Variants in GNG7 observed in about 807,000 individuals in gnomAD.
GNG7 encodes the protein G protein subunit gamma 7.
Under a neutral mutation model 4.0 loss-of-function variants are expected in GNG7, and 1 was observed. That is an observed-to-expected ratio of 0.25 (90% CI 0.09 to 1.18). The LOEUF (loss-of-function observed/expected upper bound fraction) is 1.18. Ranked by LOEUF, GNG7 falls within the 50% of genes most tolerant of loss-of-function variation. The pLI, the probability that GNG7 is intolerant of heterozygous loss-of-function variation, is 0.50. For synonymous variants in GNG7, 34 were observed against 36.9 expected, an observed-to-expected ratio of 0.92 and a Z score of 0.29; for missense variants, 86 against 91.9, an observed-to-expected ratio of 0.94 and a Z score of 0.26.
intron 2 of GNG7, among the ~76,000 whole-genome samples, chr19:2,577,063 T>C (rs1430537308): frequency 6.6e-6 from 1 of 152,226 alleles, no homozygotes; most frequent in Non-Finnish European, 1.5e-5. Context: ...GTCTTTGTAT[T>C]CCTGTTGGCA....
In GNG7 at chr19:2,633,491, A is replaced by ACGCGCG. The variant is rs1156911406; in HGVS notation, c.-78+12732_-78+12733insCGCGCG. 1.6e-4 allele frequency among the ~76,000 whole-genome samples: 13 copies of ACGCGCG among 82,864 alleles called. No individual in the cohort carries two copies. Among genetic ancestry groups the ACGCGCG allele is most frequent in the African/African-American group, 9.4e-4 (13 of 13,870 alleles). 54.4% of individuals were successfully genotyped at this position (82,864 alleles called of 152,430 possible). On this transcript the variant is annotated intron_variant, in intron 2 of 4. Coordinates refer to ENST00000382159, the MANE Select transcript of GNG7 (RefSeq NM_052847.3). This position sits in a 1 kb window ranked among gnomAD's most constrained non-coding sequence, Gnocchi z 5.9. The stretch of plus-strand genomic sequence containing the variant: ...AACAGGCGCGCGCGCGCGCGCGCAC[A>ACGCGCG]CACACACACACACACACACACACAC...
intron 1 of GNG7, among the ~76,000 whole-genome samples, chr19:2,664,179 C>A (rs965346740): frequency 6.6e-6 from 1 of 152,186 alleles, no homozygotes; most frequent in Non-Finnish European, 1.5e-5. Flanking sequence ...TCCCTTCCCA[C>A]GCTGACATTC....
chr19:2,557,019 ACACACG>A lies in GNG7; in HGVS notation c.-77-1837_-77-1832del, dbSNP rs1418524860. On this transcript the variant is annotated intron_variant, in intron 2 of 4. Coordinates refer to ENST00000382159, the MANE Select transcript of GNG7 (RefSeq NM_052847.3). The surrounding 1 kb of genome is among the most constrained non-coding windows in gnomAD (Gnocchi z 5.1). ...TGCCTCCCCTCCCACCTCTACACAC[ACACACG>A]CACACACAGACACACGCACACTCAC... 3.0e-5 allele frequency among the ~76,000 whole-genome samples: 3 copies of A among 101,222 alleles called. No homozygotes were observed. Among genetic ancestry groups the A allele is most frequent in the South Asian group, 6.7e-4 (2 of 3,004 alleles). The allele number at this position is 101,222 out of a possible 152,430, so 66.4% of individuals were successfully genotyped here. A position where few individuals can be genotyped will look rare whatever the true frequency, so the allele number is the denominator to read the frequency against.
chr19:2,676,885 G>T (rs1983608335), intron 1 of GNG7, among the ~76,000 whole-genome samples: 1 of 152,080 alleles, frequency 6.6e-6, no homozygotes, highest in African/African-American at 2.4e-5. Context: ...AGCTTCTGGG[G>T]TTGCCAGGAA....
intron 1 of GNG7, among the ~76,000 whole-genome samples, chr19:2,690,633 G>GC (rs199923632): frequency 0.012 from 1,846 of 151,260 alleles, 35 homozygotes; most frequent in African/African-American, 0.043. Context: ...TTGCTCTGTC[G>GC]CCCAGGCTGG....
At chr19:2,673,415 G>A (rs771489582) in intron 1 of GNG7, among the ~76,000 whole-genome samples, 19 of 151,752 alleles carry the variant, frequency 1.3e-4, no homozygotes, top group Non-Finnish European at 2.2e-4. Flanking sequence ...AATAAAGACC[G>A]GGCGCCGTGG....
intron 3 of GNG7, among the ~76,000 whole-genome samples, chr19:2,550,731 T>C (rs1228883196): frequency 3.9e-5 from 6 of 152,178 alleles, no homozygotes; most frequent in Non-Finnish European, 8.8e-5. Flanking sequence ...GCCACATCTT[T>C]TGGTTGCCGA....
At chr19:2,602,715 C>T (rs1981238733) in intron 2 of GNG7, among the ~76,000 whole-genome samples, 1 of 152,194 alleles carries the variant, frequency 6.6e-6, no homozygotes, top group Non-Finnish European at 1.5e-5. Flanking sequence ...AAACGGAAGC[C>T]AATCTCGGGC....
chr19:2,656,704 C>T (rs1982984180), intron 1 of GNG7, among the ~76,000 whole-genome samples: 1 of 152,190 alleles, frequency 6.6e-6, no homozygotes, highest in South Asian at 2.1e-4. Context: ...TATTGGCACA[C>T]AGCCGTGCGT....
intron 1 of GNG7, among the ~76,000 whole-genome samples, chr19:2,660,508 C>G: frequency 6.6e-6 from 1 of 152,254 alleles, no homozygotes; most frequent in East Asian, 1.9e-4. Flanking sequence ...TGGTGGCTCA[C>G]GCCTGTGATC....
chr19:2,650,370 G>T (rs532357237), intron 1 of GNG7, among the ~76,000 whole-genome samples: 1 of 151,910 alleles, frequency 6.6e-6, no homozygotes, highest in African/African-American at 2.4e-5. Context: ...TGTATTTTTA[G>T]TAGAGACGGG....
intron 3 of GNG7, among the ~76,000 whole-genome samples, chr19:2,543,824 GC>G (rs971066431): frequency 2.0e-5 from 3 of 152,120 alleles, no homozygotes; most frequent in Admixed American, 1.3e-4. Flanking sequence ...GGGTGAGTCA[GC>G]CCCGGGGGAA....
rs191044320 is a variant in GNG7, at chr19:2,682,055, G to A, written c.-135+20591C>T. Among the ~76,000 whole-genome samples, 282 of 152,126 alleles carry A rather than the reference G, an allele frequency of 1.9e-3. 2 individuals carry two copies. The highest frequency in any genetic ancestry group is 3.1e-3 in the Non-Finnish European group (212 of 68,002). On this transcript the variant is annotated intron_variant, in intron 1 of 4. Transcript: ENST00000382159. ...CTCCCAAGTAGCTGGGATTACAGGC[G>A]CGCGCCACCACGCCCGGCTAATTTT... is the stretch of plus-strand genomic sequence containing the variant.
chr19:2,562,271 CTTTTCTTTCT>C (rs149238235), intron 2 of GNG7, among the ~76,000 whole-genome samples: 41,510 of 149,838 alleles, frequency 0.28, 6,624 homozygotes, highest in Non-Finnish European at 0.37. Context: ...GTTCCTTTTT[CTTTTCTTTCT>C]TTTTCTTTCT....
rs1972669486 is a variant in GNG7 at position 2,512,440 on chromosome 19, C to G, written c.*2582G>C. Reference sequence around the variant, plus strand: ...CTGGCAATGGCCACCTCCCTGGGGTCCGGGAGATGGTGGGGTCTGGACAGC... The same window carrying G: ...CTGGCAATGGCCACCTCCCTGGGGTGCGGGAGATGGTGGGGTCTGGACAGC... On this transcript the variant is annotated 3_prime_UTR_variant, in exon 5 of 5. Transcript: ENST00000382159. The surrounding 1 kb of genome is among the most constrained non-coding windows in gnomAD (Gnocchi z 4.7). The G allele has an allele frequency of 8.9e-6, 8 of 896,620 alleles. No individual in the cohort carries two copies. Among genetic ancestry groups the G allele is most frequent in the Non-Finnish European group, 1.1e-5 (8 of 749,012 alleles). The allele number at this position is 896,620 out of a possible 1,614,324, so 55.5% of individuals were successfully genotyped here. A position where few individuals can be genotyped will look rare whatever the true frequency, so the allele number is the denominator to read the frequency against.
chr19:2,577,776 A>G lies in GNG7; in HGVS notation c.-77-22588T>C, dbSNP rs1048944430. On this transcript the variant is annotated intron_variant, in intron 2 of 4. Coordinates refer to ENST00000382159, the MANE Select transcript of GNG7 (RefSeq NM_052847.3). ...GCATGTAAGCATTTGCTACATATTT[A>G]TATTGAGAAATAAATCTAAAAAGAA... Among the ~76,000 whole-genome samples, 35 of 151,544 alleles carry G rather than the reference A, an allele frequency of 2.3e-4. 1 individual carries two copies. The highest frequency in any genetic ancestry group is 4.4e-4 in the Non-Finnish European group (30 of 67,938).
chr19:2,584,530 A>G (rs62123674), intron 2 of GNG7, among the ~76,000 whole-genome samples: 54,518 of 148,288 alleles, frequency 0.37, 11,648 homozygotes, highest in African/African-American at 0.58. Context: ...CCAAGAGGTC[A>G]AGGCTGCAGT....
chr19:2,597,644 C>T (rs1161658311), intron 2 of GNG7, among the ~76,000 whole-genome samples: 1 of 151,378 alleles, frequency 6.6e-6, no homozygotes, highest in Admixed American at 6.6e-5. Context: ...CACCTGTAAT[C>T]CCAGCACTTT....
chr19:2,512,979 C>A lies in GNG7; in HGVS notation c.*2043G>T, dbSNP rs1235482665. The A allele has an allele frequency of 3.0e-6, 3 of 985,472 alleles. No homozygotes were observed. Among genetic ancestry groups the A allele is most frequent in the East Asian group, 2.3e-4 (2 of 8,810 alleles). 61.0% of individuals were successfully genotyped at this position (985,472 alleles called of 1,614,324 possible). On this transcript the variant is annotated 3_prime_UTR_variant, in exon 5 of 5. Transcript: ENST00000382159. This position sits in a 1 kb window ranked among gnomAD's most constrained non-coding sequence, Gnocchi z 4.7. The stretch of plus-strand genomic sequence containing the variant: ...AGTCTCCGGGAGCCTCTGGGGCTCT[C>A]CCGGGCCAACAGCAGGTTTGGCGGG...
Sources: gnomAD v4.1 joint callset for allele counts (sites outside exome capture counted in the v4.1 genomes callset) on GRCh38, gnomAD v4.1.1 for gene constraint, Gnocchi (gnomAD v3.1) non-coding constraint, MANE v1.5 for transcripts, NCBI Gene and HGNC (gene_info 2026-07-23, HGNC 2026-07-21) for gene names.